PTPRD: variants seen among roughly 807,000 people sequenced by gnomAD.
The protein encoded by PTPRD is protein tyrosine phosphatase receptor type D.
PTPRD carries 34 observed loss-of-function variants against 214.5 expected under a neutral mutation model. The ratio of observed to expected loss-of-function variants is 0.16; its 90% CI spans 0.12 to 0.21. The LOEUF (loss-of-function observed/expected upper bound fraction) is 0.21, where lower values mean the gene tolerates loss of function less well. PTPRD is among the 10% of genes least tolerant of loss of function. PTPRD has a pLI of 1.00. For synonymous variants in PTPRD, 1,128 were observed against 845.7 expected (o/e 1.33, Z -5.79); for missense variants, 2,545 against 2,398.7 (o/e 1.06, Z -1.27).
chr9:9,450,095 GGTGTGTGTGTGTGTGTGTGTGTGTCT>G (rs1157361219), intron 8 of PTPRD, among the ~76,000 whole-genome samples: 4 of 146,012 alleles, frequency 2.7e-5, no homozygotes, highest in African/African-American at 1.0e-4. Context: ...AGTATTCCAT[GGTGTGTGTGTGTGTGTGTGTGTGTCT>G]GTGTGTGTGT....
chr9:10,443,013 A>G (rs1457333847), intron 2 of PTPRD, among the ~76,000 whole-genome samples: 1 of 151,178 alleles, frequency 6.6e-6, no homozygotes, highest in Non-Finnish European at 1.5e-5. Flanking sequence ...CTCCTTTGGC[A>G]TAGAATTATA....
intron 8 of PTPRD, among the ~76,000 whole-genome samples, chr9:9,410,808 G>T (rs532831967): frequency 2.0e-5 from 3 of 152,072 alleles, no homozygotes; most frequent in African/African-American, 7.2e-5. Context: ...CATGTCATGG[G>T]CTTCCCAACA....
intron 4 of PTPRD, among the ~76,000 whole-genome samples, chr9:9,985,532 G>A (rs1014843925): frequency 6.6e-6 from 1 of 151,968 alleles, no homozygotes; most frequent in South Asian, 2.1e-4. Flanking sequence ...ATGTGCTAGT[G>A]ATACAGATGA....
At chr9:10,474,516 C>T (rs1482430264) in intron 2 of PTPRD, among the ~76,000 whole-genome samples, 1 of 152,082 alleles carries the variant, frequency 6.6e-6, no homozygotes, top group African/African-American at 2.4e-5. Context: ...TACAAAGAGA[C>T]TTGGACTCCC....
At chr9:9,686,177 G>A (rs186513593) in intron 7 of PTPRD, among the ~76,000 whole-genome samples, 70 of 151,174 alleles carry the variant, frequency 4.6e-4, no homozygotes, top group East Asian at 4.5e-3. Flanking sequence ...CAAATGTTAC[G>A]TATATAATTT....
intron 10 of PTPRD, among the ~76,000 whole-genome samples, chr9:9,129,464 TA>T (rs1011801359): frequency 5.3e-5 from 8 of 152,166 alleles, no homozygotes; most frequent in Non-Finnish European, 1.2e-4. Flanking sequence ...CTTTCTTATT[TA>T]CGTATTTATT....
intron 3 of PTPRD, among the ~76,000 whole-genome samples, chr9:10,303,573 A>G (rs941937137): frequency 6.6e-6 from 1 of 152,302 alleles, no homozygotes; most frequent in African/African-American, 2.4e-5. Flanking sequence ...AAAAATAATA[A>G]AGGGGATATC....
At chr9:9,571,262 T>C (rs1324913815) in intron 8 of PTPRD, among the ~76,000 whole-genome samples, 1 of 151,400 alleles carries the variant, frequency 6.6e-6, no homozygotes, top group East Asian at 1.9e-4. Context: ...ATAAGTTGTG[T>C]TTTTGGTGAA....
At chr9:9,331,121 A>G (rs569978386) in intron 9 of PTPRD, among the ~76,000 whole-genome samples, 22 of 152,198 alleles carry the variant, frequency 1.4e-4, no homozygotes, top group Admixed American at 1.4e-3. Context: ...TTCAAGGACT[A>G]GCTATTCTAT....
intron 10 of PTPRD, among the ~76,000 whole-genome samples, chr9:9,068,094 T>G (rs1204830398): frequency 6.6e-6 from 1 of 151,960 alleles, no homozygotes; most frequent in Non-Finnish European, 1.5e-5. Context: ...ATTTAACCTT[T>G]TTTAGATTTT....
At chr9:8,925,860 T>A (rs985669267) in intron 11 of PTPRD, among the ~76,000 whole-genome samples, 4 of 131,790 alleles carry the variant, frequency 3.0e-5, no homozygotes, top group Admixed American at 2.3e-4. Flanking sequence ...ATTGCAATAT[T>A]TTTTTTTTTT....
chr9:9,087,539 G>A (rs553340692), intron 10 of PTPRD, among the ~76,000 whole-genome samples: 18 of 152,184 alleles, frequency 1.2e-4, no homozygotes, highest in Admixed American at 1.0e-3. Flanking sequence ...ATTGAAATAT[G>A]AGAAACATAC....
intron 5 of PTPRD, among the ~76,000 whole-genome samples, chr9:9,806,696 G>A (rs866364406): frequency 6.6e-6 from 1 of 152,058 alleles, no homozygotes; most frequent in Non-Finnish European, 1.5e-5. Flanking sequence ...CTGCTCAGGC[G>A]GTCTCTTATA....
rs539413905 is a variant in PTPRD, at chr9:9,071,864, C to G, written c.-142-53129G>C. ...GTTACTCTAATATAGAAAAGTAAAG[C>G]GCTTTGTAAGTGGAGTATTTCCCCG... On this transcript the variant is annotated intron_variant, in intron 10 of 45. Transcript: ENST00000381196. Among the ~76,000 whole-genome samples the G allele has an allele frequency of 3.3e-5, 5 of 152,194 alleles. No individual in the cohort carries two copies. In the South Asian group the frequency reaches 1.0e-3, roughly 32 times the overall value.
intron 9 of PTPRD, among the ~76,000 whole-genome samples, chr9:9,379,881 G>A (rs535835486): frequency 2.6e-5 from 4 of 151,934 alleles, no homozygotes; most frequent in East Asian, 1.9e-4. Context: ...TCTTAACCTT[G>A]TATATGGAAT....
intron 10 of PTPRD, among the ~76,000 whole-genome samples, chr9:9,062,189 T>C (rs17588757): frequency 0.12 from 18,641 of 152,186 alleles, 1,266 homozygotes; most frequent in Middle Eastern, 0.2. Context: ...TTGAATATAG[T>C]GTTACCAAAA....
intron 7 of PTPRD, among the ~76,000 whole-genome samples, chr9:9,667,660 A>G (rs373567699): frequency 3.3e-5 from 5 of 152,164 alleles, no homozygotes; most frequent in African/African-American, 1.2e-4. Flanking sequence ...AAACTAGACA[A>G]TCATCCAGTT....
intron 33 of PTPRD, chr9:8,451,797 G>A (rs2133628531): frequency 2.4e-6 from 1 of 423,848 alleles, no homozygotes; most frequent in Non-Finnish European, 4.7e-6. Flanking sequence ...ACTAAAATTT[G>A]GATTTTTCTC....
intron 11 of PTPRD, among the ~76,000 whole-genome samples, chr9:8,980,568 C>T (rs1341133152): frequency 1.3e-5 from 2 of 152,056 alleles, no homozygotes; most frequent in African/African-American, 4.8e-5. Flanking sequence ...ATTTTATCAA[C>T]ATTCTCAAGG....
Sources: gnomAD v4.1 joint callset for allele counts (sites outside exome capture counted in the v4.1 genomes callset) on GRCh38, gnomAD v4.1.1 for gene constraint, MANE v1.5 for transcripts, NCBI Gene and HGNC (gene_info 2026-07-23, HGNC 2026-07-21) for gene names.